The following CRYL1 variants were observed in gnomAD, a reference collection of about 807,000 sequenced individuals.
CRYL1 encodes the protein lambda-crystallin homolog.
In CRYL1, 29 loss-of-function variants were observed where a neutral mutation model predicts 36.6. That is an observed-to-expected ratio of 0.79 (90% CI 0.59 to 1.08). CRYL1 has a LOEUF of 1.08. Among genes scored for constraint, CRYL1 ranks in the 50% least tolerant of loss-of-function variants. CRYL1 has a pLI of 0.00. For synonymous variants in CRYL1, 152 were observed against 151.5 expected, an observed-to-expected ratio of 1.00 and a Z score of -0.02; for missense variants, 411 against 407.9, an observed-to-expected ratio of 1.01 and a Z score of -0.06.
chr13:20,482,762 C>T (rs903815714), intron 3 of CRYL1, among the ~76,000 whole-genome samples: 1 of 140,658 alleles, frequency 7.1e-6, no homozygotes, highest in Non-Finnish European at 1.6e-5. Context: ...TGTGTGCGCG[C>T]GTGTGTGTGC....
chr13:20,405,397 G>A (rs538472522), intron 6 of CRYL1, among the ~76,000 whole-genome samples: 175 of 152,308 alleles, frequency 1.1e-3, no homozygotes, highest in African/African-American at 4.1e-3. Context: ...AAGTCCTAAT[G>A]TCACCAAGTG....
chr13:20,522,900 A>G (rs1034375555), intron 1 of CRYL1, among the ~76,000 whole-genome samples: 6 of 138,832 alleles, frequency 4.3e-5, no homozygotes, highest in African/African-American at 1.6e-4. Flanking sequence ...TCTTCATGAT[A>G]CCCATTTCTA....
chr13:20,512,410 T>C, intron 2 of CRYL1, 33 bp downstream of exon 2: 1 of 1,460,480 alleles, frequency 6.8e-7, no homozygotes, highest in Non-Finnish European at 9.6e-7. Context: ...CAGACCCACT[T>C]CCATTCCTTC....
intron 2 of CRYL1, among the ~76,000 whole-genome samples, chr13:20,510,256 C>T (rs2033888700): frequency 6.6e-6 from 1 of 152,080 alleles, no homozygotes; most frequent in Non-Finnish European, 1.5e-5. Flanking sequence ...CTGGAAGCAC[C>T]CAAGATGTTC....
chr13:20,437,440 T>C (rs1226439440), intron 4 of CRYL1, among the ~76,000 whole-genome samples: 1 of 152,012 alleles, frequency 6.6e-6, no homozygotes, highest in Non-Finnish European at 1.5e-5. Context: ...CCCGAGTAGC[T>C]GGGACTACAG....
chr13:20,463,851 A>G (rs1324433006), intron 3 of CRYL1, among the ~76,000 whole-genome samples: 2 of 152,206 alleles, frequency 1.3e-5, no homozygotes, highest in African/African-American at 2.4e-5. Context: ...TAGTACCGAA[A>G]ACGCACAAAT....
intron 6 of CRYL1, among the ~76,000 whole-genome samples, chr13:20,407,787 T>C (rs2031414380): frequency 6.6e-6 from 1 of 152,246 alleles, no homozygotes; most frequent in Non-Finnish European, 1.5e-5. Context: ...AGATTGGATG[T>C]AGCTTAACTT....
chr13:20,410,931 C>T (rs1022234130), intron 6 of CRYL1, among the ~76,000 whole-genome samples: 2 of 152,206 alleles, frequency 1.3e-5, no homozygotes, highest in African/African-American at 2.4e-5. Flanking sequence ...TCTGAGGGCC[C>T]GTCTTTCAGG....
At chr13:20,494,872 G>A (rs962508958) in intron 2 of CRYL1, among the ~76,000 whole-genome samples, 1 of 152,150 alleles carries the variant, frequency 6.6e-6, no homozygotes, top group Non-Finnish European at 1.5e-5. Context: ...TTCCTCCCTG[G>A]GCAGCACACA....
chr13:20,520,512 G>A (rs1244785811), intron 1 of CRYL1, among the ~76,000 whole-genome samples: 5 of 152,140 alleles, frequency 3.3e-5, no homozygotes, highest in African/African-American at 1.2e-4. Context: ...CTGACCTGAG[G>A]GAGGGTAACC....
chr13:20,461,916 T>G (rs1357663721), intron 3 of CRYL1, among the ~76,000 whole-genome samples: 6 of 20,742 alleles, frequency 2.9e-4, no homozygotes, highest in Admixed American at 7.9e-4. Flanking sequence ...GAGGAGAGGG[T>G]GGGAGGAGGA....
intron 3 of CRYL1, among the ~76,000 whole-genome samples, chr13:20,464,523 C>T (rs1222345543): frequency 2.0e-5 from 3 of 152,070 alleles, no homozygotes; most frequent in Non-Finnish European, 4.4e-5. Flanking sequence ...TTTGTGGTAA[C>T]GGTTGCCTTT....
intron 1 of CRYL1, among the ~76,000 whole-genome samples, chr13:20,523,780 G>A (rs1263422617): frequency 1.3e-5 from 2 of 152,052 alleles, no homozygotes; most frequent in Non-Finnish European, 2.9e-5. Context: ...AGAATTATGT[G>A]GTCCTTAAAG....
intron 5 of CRYL1, among the ~76,000 whole-genome samples, chr13:20,420,836 A>C (rs553948404): frequency 6.6e-6 from 1 of 151,018 alleles, no homozygotes; most frequent in Non-Finnish European, 1.5e-5. Context: ...CCTGGGTTCA[A>C]GCGATTCTCC....
At chr13:20,433,374 C>T (rs1217617320) in intron 4 of CRYL1, among the ~76,000 whole-genome samples, 1 of 152,226 alleles carries the variant, frequency 6.6e-6, no homozygotes, top group Non-Finnish European at 1.5e-5. Context: ...CCACAGCAAA[C>T]AGAAATGATG....
intron 3 of CRYL1, among the ~76,000 whole-genome samples, chr13:20,479,654 A>G (rs1406048304): frequency 6.6e-6 from 1 of 152,236 alleles, no homozygotes; most frequent in Non-Finnish European, 1.5e-5. Flanking sequence ...TATAAATATT[A>G]TATGTGGAAA....
chr13:20,487,046 C>G (rs1377962520), intron 3 of CRYL1, among the ~76,000 whole-genome samples: 1 of 152,086 alleles, frequency 6.6e-6, no homozygotes, highest in Non-Finnish European at 1.5e-5. Context: ...AAACAATATA[C>G]TCTTTGAGGG....
At chr13:20,429,516 T>C (rs544710449) in intron 5 of CRYL1, among the ~76,000 whole-genome samples, 7 of 152,124 alleles carry the variant, frequency 4.6e-5, no homozygotes, top group Non-Finnish European at 7.4e-5. Context: ...TAGATTTTCC[T>C]GCAATAAAAT....
chr13:20,475,446 A>G (rs1182947424), intron 3 of CRYL1, among the ~76,000 whole-genome samples: 1 of 152,198 alleles, frequency 6.6e-6, no homozygotes, highest in African/African-American at 2.4e-5. Flanking sequence ...GAAAAACAGC[A>G]GTAGATAAAG....
Sources: gnomAD v4.1 joint callset for allele counts (sites outside exome capture counted in the v4.1 genomes callset) on GRCh38, gnomAD v4.1.1 for gene constraint, MANE v1.5 for transcripts, NCBI Gene and HGNC (gene_info 2026-07-23, HGNC 2026-07-21) for gene names.